The following PRKG1 variants were observed in gnomAD, a reference collection of about 807,000 sequenced individuals.
The protein encoded by PRKG1 is cGMP-dependent protein kinase 1.
PRKG1 carries 35 observed loss-of-function variants against 88.1 expected under a neutral mutation model. The observed-to-expected ratio is 0.40, with a 90% CI of 0.30 to 0.53. The LOEUF is 0.53. Among genes scored for constraint, PRKG1 ranks in the 20% least tolerant of loss-of-function variants. PRKG1 has a pLI of 0.59. For synonymous variants in PRKG1, 303 were observed against 292.5 expected, an observed-to-expected ratio of 1.04 and a Z score of -0.37; for missense variants, 540 against 839.8, an observed-to-expected ratio of 0.64 and a Z score of 4.41.
chr10:52,152,308 T>A (rs892063103), intron 8 of PRKG1, among the ~76,000 whole-genome samples: 1 of 152,130 alleles, frequency 6.6e-6, no homozygotes, highest in African/African-American at 2.4e-5. Flanking sequence ...GAGATACTGA[T>A]AAAGAAGCTA....
In PRKG1 at chr10:52,057,307, C is replaced by T. The variant is rs140535326; in HGVS notation, c.840+2746C>T. Among the ~76,000 whole-genome samples, 320 of 152,246 alleles carry T rather than the reference C, an allele frequency of 2.1e-3. 1 individual carries two copies. Among genetic ancestry groups the T allele is most frequent in the Non-Finnish European group, 3.7e-3 (253 of 68,022 alleles). On this transcript the variant is annotated intron_variant, in intron 6 of 17. Transcript: ENST00000373980. Reference sequence around the variant, plus strand: ...CCGTACTTGTTTTTCCCCCATTAAGCCTGTGCTATCTGATTTTTCTAAAAC... The same window carrying T: ...CCGTACTTGTTTTTCCCCCATTAAGTCTGTGCTATCTGATTTTTCTAAAAC...
At chr10:51,639,849 G>C (rs539216484) in intron 3 of PRKG1, among the ~76,000 whole-genome samples, 13 of 152,162 alleles carry the variant, frequency 8.5e-5, no homozygotes, top group African/African-American at 2.9e-4. Flanking sequence ...ATTTGATAAA[G>C]CTTTTGAATC....
intron 2 of PRKG1, among the ~76,000 whole-genome samples, chr10:51,217,321 AT>A (rs1425827152): frequency 6.6e-6 from 1 of 152,056 alleles, no homozygotes; most frequent in Non-Finnish European, 1.5e-5. Context: ...ATCTTAATCC[AT>A]TTTTTTCTTT....
At chr10:51,235,131 T>TA (rs1427782803) in intron 2 of PRKG1, among the ~76,000 whole-genome samples, 3 of 152,178 alleles carry the variant, frequency 2.0e-5, no homozygotes, top group Admixed American at 2.0e-4. Context: ...AAGCCAGAGT[T>TA]ACCTTCCATA....
chr10:52,020,038 T>C (rs1845142345), intron 5 of PRKG1, among the ~76,000 whole-genome samples: 1 of 152,000 alleles, frequency 6.6e-6, no homozygotes, highest in African/African-American at 2.4e-5. Context: ...TATATTTTAA[T>C]ATATTTTATT....
At chr10:51,329,149 T>C (rs1450597583) in intron 2 of PRKG1, among the ~76,000 whole-genome samples, 1 of 152,226 alleles carries the variant, frequency 6.6e-6, no homozygotes, top group Admixed American at 6.5e-5. Context: ...CAGGCCAATG[T>C]CATGGAACCT....
chr10:52,233,445 C>T (rs1840578482), intron 9 of PRKG1, among the ~76,000 whole-genome samples: 2 of 148,454 alleles, frequency 1.3e-5, no homozygotes, highest in Admixed American at 6.7e-5. Context: ...GGGCGCAGGC[C>T]AGTGGGTGCG....
chr10:51,897,867 A>T, intron 4 of PRKG1, among the ~76,000 whole-genome samples: 1 of 149,456 alleles, frequency 6.7e-6, no homozygotes, highest in African/African-American at 2.4e-5. Flanking sequence ...TGGCAGAAGG[A>T]TTTTTTTTTT....
intron 1 of PRKG1, among the ~76,000 whole-genome samples, chr10:51,051,807 C>T (rs879824272): frequency 2.1e-4 from 32 of 152,118 alleles, no homozygotes; most frequent in Admixed American, 3.9e-4. Flanking sequence ...ACTTAACTCA[C>T]ATTGCAAAGT....
At chr10:51,681,475 G>A (rs1394801214) in intron 3 of PRKG1, among the ~76,000 whole-genome samples, 1 of 151,868 alleles carries the variant, frequency 6.6e-6, no homozygotes, top group Admixed American at 6.6e-5. Context: ...AACCCAAAAA[G>A]TATTTGCTAA....
intron 8 of PRKG1, among the ~76,000 whole-genome samples, chr10:52,136,131 T>A (rs1402290251): frequency 6.6e-6 from 1 of 151,922 alleles, no homozygotes; most frequent in African/African-American, 2.4e-5. Context: ...ATGTTAAGAA[T>A]GGAATCCAGA....
chr10:51,785,500 C>G (rs1250899585), intron 3 of PRKG1, among the ~76,000 whole-genome samples: 4 of 152,072 alleles, frequency 2.6e-5, no homozygotes, highest in Admixed American at 2.0e-4. Context: ...TGGCTTTCTA[C>G]TTGAACGCAA....
intron 4 of PRKG1, among the ~76,000 whole-genome samples, chr10:51,905,635 A>C (rs184285856): frequency 6.6e-6 from 1 of 152,232 alleles, no homozygotes; most frequent in African/African-American, 2.4e-5. Flanking sequence ...ATAATTTTGC[A>C]TAAAGTAAGT....
intron 5 of PRKG1, chr10:51,910,159 G>T (rs140152460): frequency 7.6e-4 from 116 of 152,286 alleles, no homozygotes; most frequent in African/African-American, 2.5e-3. Context: ...TATTGCAATA[G>T]GGGAAGGAGA....
At chr10:52,069,174 T>C (rs1846431176) in intron 7 of PRKG1, among the ~76,000 whole-genome samples, 1 of 152,238 alleles carries the variant, frequency 6.6e-6, no homozygotes, top group Admixed American at 6.5e-5. Context: ...GAAAAGTTAA[T>C]TAACATTTCT....
chr10:51,988,262 A>G (rs974992637), intron 5 of PRKG1, among the ~76,000 whole-genome samples: 7 of 152,082 alleles, frequency 4.6e-5, no homozygotes, highest in Non-Finnish European at 1.5e-5. Context: ...ACTGATTAAT[A>G]TATTTTTGAG....
chr10:51,727,056 G>A (rs1779396739), intron 3 of PRKG1, among the ~76,000 whole-genome samples: 2 of 151,982 alleles, frequency 1.3e-5, no homozygotes, highest in Admixed American at 1.3e-4. Context: ...TGGGATTACA[G>A]GTATGAGCCA....
intron 2 of PRKG1, among the ~76,000 whole-genome samples, chr10:51,379,836 G>A (rs535716722): frequency 6.6e-6 from 1 of 152,270 alleles, no homozygotes; most frequent in South Asian, 2.1e-4. Flanking sequence ...GACTGGATGA[G>A]GTAAATATTT....
In PRKG1 at chr10:51,819,001, C is replaced by T. The variant is rs1197968626; in HGVS notation, c.698+14311C>T. On this transcript the variant is annotated intron_variant, in intron 4 of 17. Coordinates refer to ENST00000373980, the MANE Select transcript of PRKG1 (RefSeq NM_006258.4). ...CAGCCTGGGCGACAGAGCGAGACTCCGTCTCAAAAAAAAAAAAAAAAAAAA... is the reference window on the plus strand; with the variant it reads ...CAGCCTGGGCGACAGAGCGAGACTCTGTCTCAAAAAAAAAAAAAAAAAAAA... Among the ~76,000 whole-genome samples the T allele has an allele frequency of 6.7e-4, 34 of 50,992 alleles. 2 individuals are homozygous for T. Among genetic ancestry groups the T allele is most frequent in the Admixed American group, 5.4e-3 (19 of 3,538 alleles). The allele number at this position is 50,992 out of a possible 152,430, so 33.5% of individuals were successfully genotyped here.
Sources: allele counts gnomAD v4.1 joint callset (sites outside exome capture counted in the v4.1 genomes callset), GRCh38; gene constraint gnomAD v4.1.1; transcripts MANE v1.5; gene names NCBI Gene and HGNC (gene_info 2026-07-23, HGNC 2026-07-21).